SGTB: variants seen among roughly 807,000 people sequenced by gnomAD.
The protein encoded by SGTB is small glutamine rich tetratricopeptide repeat co-chaperone beta.
In SGTB, 19 loss-of-function variants were observed where a neutral mutation model predicts 43.9. That is an observed-to-expected ratio of 0.43 (90% CI 0.30 to 0.63). SGTB has a LOEUF of 0.63. Among genes scored for constraint, SGTB ranks in the 30% least tolerant of loss-of-function variants. SGTB has a pLI of 0.12. For missense variants in SGTB, 304 were observed against 358.9 expected (o/e 0.85, Z 1.24); for synonymous variants, 116 against 117.3 (o/e 0.99, Z 0.07).
chr5:65,705,849 G>C (rs1180707030), intron 4 of SGTB, among the ~76,000 whole-genome samples: 1 of 139,876 alleles, frequency 7.1e-6, no homozygotes, highest in Non-Finnish European at 1.5e-5. Context: ...GCAACATGGT[G>C]AAACCCTATC....
chr5:65,721,129 C>T (rs1218639803), intron 1 of SGTB, among the ~76,000 whole-genome samples: 1 of 152,218 alleles, frequency 6.6e-6, no homozygotes, highest in African/African-American at 2.4e-5. Flanking sequence ...CTGCATATCT[C>T]ACCATACAGA....
In SGTB at chr5:65,702,463, T is replaced by C. The variant is rs144687199; in HGVS notation, c.374+1816A>G. The stretch of plus-strand genomic sequence containing the variant: ...TGGCTGAACCCATACAAAAGCCAGA[T>C]GGTAAAAGAGACTGGGAAATGCAGC... On this transcript the variant is annotated intron_variant, in intron 5 of 10. Transcript: ENST00000381007. Among the ~76,000 whole-genome samples, 504 of 152,276 alleles carry C rather than the reference T, an allele frequency of 3.3e-3. 1 individual carries two copies. Among genetic ancestry groups the C allele is most frequent in the Non-Finnish European group, 5.7e-3 (389 of 68,016 alleles).
chr5:65,707,682 C>T (rs916308837), intron 4 of SGTB, among the ~76,000 whole-genome samples: 8 of 152,146 alleles, frequency 5.3e-5, no homozygotes, highest in Non-Finnish European at 1.2e-4. Flanking sequence ...ATCCACCCAC[C>T]TCGGCCTCCC....
chr5:65,681,906 C>T (rs970523832), intron 6 of SGTB, among the ~76,000 whole-genome samples: 33 of 151,060 alleles, frequency 2.2e-4, no homozygotes, highest in African/African-American at 7.3e-4. Context: ...ATCCAGGAGG[C>T]GGAGGTTGCA....
chr5:65,673,752 G>A (rs570714709), intron 8 of SGTB, among the ~76,000 whole-genome samples: 1 of 151,876 alleles, frequency 6.6e-6, no homozygotes, highest in African/African-American at 2.4e-5. Context: ...GCCTCCCGGA[G>A]TCAAGTGATT....
intron 4 of SGTB, among the ~76,000 whole-genome samples, chr5:65,706,249 A>G (rs953748520): frequency 3.9e-5 from 6 of 152,310 alleles, no homozygotes; most frequent in Non-Finnish European, 8.8e-5. Context: ...AGAGGTTAAC[A>G]TTGTTTTTTA....
intron 2 of SGTB, 27 bp from the exon 3 acceptor site, chr5:65,713,091 A>G: frequency 6.5e-7 from 1 of 1,535,116 alleles, no homozygotes; most frequent in Non-Finnish European, 8.9e-7. Context: ...ATAGTAAAAA[A>G]CAATTAGCAA....
chr5:65,676,167 G>GA (rs1757260949), intron 8 of SGTB, among the ~76,000 whole-genome samples: 1 of 151,874 alleles, frequency 6.6e-6, no homozygotes, highest in South Asian at 2.1e-4. Context: ...ATGGAAAACA[G>GA]AAAAAAGCAG....
intron 5 of SGTB, among the ~76,000 whole-genome samples, chr5:65,690,577 C>T (rs1040470004): frequency 1.3e-5 from 2 of 152,082 alleles, no homozygotes; most frequent in African/African-American, 4.8e-5. Context: ...AAAAGACAAA[C>T]AGGAGAACTG....
At chr5:65,673,391 A>G (rs1757196619) in intron 8 of SGTB, among the ~76,000 whole-genome samples, 1 of 152,214 alleles carries the variant, frequency 6.6e-6, no homozygotes, top group South Asian at 2.1e-4. Flanking sequence ...CAGGCTGCAC[A>G]GCAGCAGGTA....
At chr5:65,720,655 TTA>T (rs1758251460) in intron 2 of SGTB, 51 bp downstream of exon 2, 2 of 1,574,272 alleles carry the variant, frequency 1.3e-6, no homozygotes, top group African/African-American at 2.8e-5. Flanking sequence ...TACAGCTATT[TTA>T]GTCTTCGTTT....
intron 5 of SGTB, among the ~76,000 whole-genome samples, chr5:65,694,162 G>A (rs1383063100): frequency 6.6e-6 from 1 of 152,136 alleles, no homozygotes; most frequent in African/African-American, 2.4e-5. Context: ...AGGCGCAGTG[G>A]CTCACACGTG....
intron 4 of SGTB, among the ~76,000 whole-genome samples, chr5:65,706,969 C>T (rs1419464363): frequency 6.6e-6 from 1 of 151,792 alleles, no homozygotes; most frequent in Non-Finnish European, 1.5e-5. Context: ...CCATTAAAAA[C>T]AGTGATATAG....
intron 6 of SGTB, 106 bp downstream of exon 6, chr5:65,685,262 T>C (rs1469896982): frequency 1.0e-5 from 9 of 867,330 alleles, no homozygotes; most frequent in Non-Finnish European, 1.7e-5. Flanking sequence ...TATCCTCTTA[T>C]TAGTTCAGAG....
intron 8 of SGTB, among the ~76,000 whole-genome samples, chr5:65,673,904 T>C (rs1176614223): frequency 4.6e-5 from 7 of 152,030 alleles, no homozygotes; most frequent in African/African-American, 4.8e-5. Flanking sequence ...GCTCCGCCCA[T>C]CTTAGCCTCC....
intron 8 of SGTB, among the ~76,000 whole-genome samples, chr5:65,677,143 A>G (rs960647891): frequency 1.3e-5 from 2 of 151,956 alleles, no homozygotes; most frequent in African/African-American, 2.4e-5. Flanking sequence ...ATTACCACTG[A>G]CCCCACAGAA....
In SGTB at chr5:65,668,743, A is replaced by G. The variant is rs1305990598; in HGVS notation, c.*1503T>C. On this transcript the variant is annotated 3_prime_UTR_variant, in exon 11 of 11. Coordinates refer to ENST00000381007, the MANE Select transcript of SGTB (RefSeq NM_019072.3). ...CGACAGAGAGAGACTCCATCTCAAG[A>G]AAAAAAAAAAAAAAATTAGCTGGGC... The G allele has an allele frequency of 1.0e-4, 3 of 29,526 alleles. No individual in the cohort carries two copies. Among genetic ancestry groups the G allele is most frequent in the Non-Finnish European group, 2.5e-4 (3 of 11,914 alleles). The allele number at this position is 29,526 out of a possible 1,614,324, so 1.8% of individuals were successfully genotyped here. A position where few individuals can be genotyped will look rare whatever the true frequency, so the allele number is the denominator to read the frequency against.
At chr5:65,720,156 A>G (rs539883119) in intron 2 of SGTB, among the ~76,000 whole-genome samples, 1 of 142,476 alleles carries the variant, frequency 7.0e-6, no homozygotes, top group East Asian at 2.0e-4. Flanking sequence ...ATCTCAGCTC[A>G]CTGCAACCTC....
chr5:65,717,866 G>A (rs1758180634), intron 2 of SGTB, among the ~76,000 whole-genome samples: 1 of 152,158 alleles, frequency 6.6e-6, no homozygotes, highest in Admixed American at 6.6e-5. Flanking sequence ...GGTGTGAGTA[G>A]TTGGGCACAA....
Sources: allele counts gnomAD v4.1 joint callset (sites outside exome capture counted in the v4.1 genomes callset), GRCh38; gene constraint gnomAD v4.1.1; transcripts MANE v1.5; gene names NCBI Gene and HGNC (gene_info 2026-07-23, HGNC 2026-07-21).